Variants in ADAMTS9 observed in about 807,000 individuals in gnomAD.
ADAMTS9 encodes ADAM metallopeptidase with thrombospondin type 1 motif 9.
A neutral mutation model predicts 257.1 loss-of-function variants in ADAMTS9; 107 were observed. The observed-to-expected ratio is 0.42, with a 90% confidence interval of 0.36 to 0.49. ADAMTS9 has a LOEUF of 0.49. Ranked by LOEUF, ADAMTS9 falls within the 20% of genes least tolerant of loss-of-function variation. The pLI is 0.03. For synonymous variants in ADAMTS9, 982 were observed against 880.9 expected, an observed-to-expected ratio of 1.11 and a Z score of -2.03; for missense variants, 2,353 against 2,469.1, an observed-to-expected ratio of 0.95 and a Z score of 1.00.
rs766904623 is a variant in ADAMTS9, at chr3:64,615,355, G to A, written c.3155C>T (p.Pro1052Leu). ...GTCTCCAGATTTCCACTGTGGACAAGGGAACTCACTGCACCTCTGAATGGT... is the reference window on the plus strand; with the variant it reads ...GTCTCCAGATTTCCACTGTGGACAAAGGAACTCACTGCACCTCTGAATGGT... Reference protein sequence around the residue: ...KVTIQRCSEFPCPQWKSGDWS... With the variant: ...KVTIQRCSEFLCPQWKSGDWS... Residue 1052 changes from proline to leucine, a missense_variant, in exon 21 of 40, where the codon CCT becomes CTT. Transcript: ENST00000498707. 6.4e-5 allele frequency: 104 copies of A among 1,614,034 alleles called. 1 individual carries two copies. In the South Asian group the frequency reaches 1.1e-3, roughly 17 times the overall value.
Position 64,604,259 on chromosome 3 carries a change from T to G in ADAMTS9, c.3547A>C (p.Arg1183=), listed in dbSNP as rs746524904. 6.2e-7 allele frequency: 1 copy of G among 1,613,740 alleles called. No homozygotes were observed. Among genetic ancestry groups the G allele is most frequent in the South Asian group, 1.1e-5 (1 of 90,994 alleles). The change falls in exon 24 of 40, where the codon AGA becomes CGA. Residue 1183 remains arginine (R), a synonymous_variant. Coordinates refer to ENST00000498707, the MANE Select transcript of ADAMTS9 (RefSeq NM_182920.2). The part of the protein sequence containing the change: ...ETRRSTYSAP[R]TQWRFGSWTP... Reference sequence around the variant, plus strand: ...CAAGACCCAAATCGCCACTGGGTTCTTGGTGCACTGTATGTGCTTCTCCTC... The same window carrying G: ...CAAGACCCAAATCGCCACTGGGTTCGTGGTGCACTGTATGTGCTTCTCCTC...
At position 64,594,195 on chromosome 3, in the gene ADAMTS9, G is replaced by A. The variant is rs1459817537; in HGVS notation, c.4356+63C>T. ...TGTGACAATTATCTGCCACAGAGGA[G>A]TGCCCCAGAATACCTTGGAATTAGA... On this transcript the variant is annotated intron_variant, in intron 28 of 39. Transcript: ENST00000498707. The A allele has an allele frequency of 3.9e-6, 6 of 1,519,870 alleles. No homozygotes were observed. In the South Asian group the frequency reaches 5.2e-5, roughly 13 times the overall value. The allele number at this position is 1,519,870 out of a possible 1,614,324, so 94.1% of individuals were successfully genotyped here.
intron 3 of ADAMTS9, among the ~76,000 whole-genome samples, chr3:64,676,292 G>A (rs952071993): frequency 1.3e-5 from 2 of 152,038 alleles, no homozygotes; most frequent in Non-Finnish European, 2.9e-5. Flanking sequence ...AGTTCAATAG[G>A]TCTAGCAAAA....
intron 2 of ADAMTS9, among the ~76,000 whole-genome samples, chr3:64,685,566 C>T (rs1701880341): frequency 1.3e-5 from 2 of 152,192 alleles, no homozygotes; most frequent in South Asian, 4.1e-4. Flanking sequence ...CGTACCGCAG[C>T]GACTCCTCAA....
intron 17 of ADAMTS9, 45 bp downstream of exon 17, chr3:64,622,375 G>T: frequency 6.2e-7 from 1 of 1,612,854 alleles, no homozygotes. Flanking sequence ...GCTTAGTAAT[G>T]CCAAGCAGAA....
At position 64,540,483 on chromosome 3, in the gene ADAMTS9, T is replaced by C. The variant is rs141168241; in HGVS notation, c.5521+612A>G. ...GGCTAGTTTAGAAAAGGTAATTCTG[T>C]GTTCCATTTTTCTTCTGCACATTGA... On this transcript the variant is annotated intron_variant, in intron 36 of 39. Transcript: ENST00000498707. 6.2e-3 allele frequency among the ~76,000 whole-genome samples: 942 copies of C among 152,248 alleles called. 29 individuals are homozygous for C. The highest frequency in any genetic ancestry group is 0.045 in the Admixed American group (682 of 15,272).
chr3:64,561,338 TGAGGCGG>T, intron 30 of ADAMTS9: 1 of 337,394 alleles, frequency 3.0e-6, no homozygotes. Flanking sequence ...TTTTTTTTTT[TGAGGCGG>T]CCAGACTTGG....
At chr3:64,642,753 C>A (rs890641791) in intron 11 of ADAMTS9, among the ~76,000 whole-genome samples, 6 of 152,178 alleles carry the variant, frequency 3.9e-5, no homozygotes, top group African/African-American at 4.8e-5. Context: ...GGAAAAGTGG[C>A]GGCAGTGGCC....
chr3:64,522,433 A>G (rs2082865565), intron 38 of ADAMTS9, 173 bp from the exon 39 acceptor site: 2 of 496,136 alleles, frequency 4.0e-6, no homozygotes, highest in Non-Finnish European at 7.2e-6. Flanking sequence ...TCAGCCTGTG[A>G]GCCAAATCCA....
At chr3:64,560,795 T>C (rs1356662527) in intron 30 of ADAMTS9, among the ~76,000 whole-genome samples, 1 of 152,200 alleles carries the variant, frequency 6.6e-6, no homozygotes, top group Non-Finnish European at 1.5e-5. Flanking sequence ...TTATTTTTCA[T>C]TATCTCTGCA....
chr3:64,676,633 A>G (rs1237463080), intron 3 of ADAMTS9, among the ~76,000 whole-genome samples: 2 of 152,050 alleles, frequency 1.3e-5, no homozygotes, highest in African/African-American at 4.8e-5. Flanking sequence ...ACAGCTGCAT[A>G]GGAATCCATT....
At chr3:64,531,329 G>C (rs1301649157) in intron 38 of ADAMTS9, among the ~76,000 whole-genome samples, 4 of 151,918 alleles carry the variant, frequency 2.6e-5, no homozygotes, top group Non-Finnish European at 5.9e-5. Flanking sequence ...TTTGCAATAG[G>C]GTTTTCAGAT....
intron 14 of ADAMTS9, 47 bp from the exon 15 acceptor site, chr3:64,631,972 T>C (rs758844745): frequency 3.6e-6 from 5 of 1,374,650 alleles, no homozygotes; most frequent in Non-Finnish European, 4.1e-6. Flanking sequence ...TTATAGAGAT[T>C]ATAAAATGGC....
At chr3:64,528,259 G>T (rs915016762) in intron 38 of ADAMTS9, among the ~76,000 whole-genome samples, 1 of 152,174 alleles carries the variant, frequency 6.6e-6, no homozygotes, top group African/African-American at 2.4e-5. Flanking sequence ...AAAATGGGTA[G>T]CTCTGAGAAT....
At chr3:64,552,575 CTT>C (rs113655800) in intron 30 of ADAMTS9, among the ~76,000 whole-genome samples, 40 of 139,138 alleles carry the variant, frequency 2.9e-4, no homozygotes, top group Non-Finnish European at 3.8e-4. Flanking sequence ...CTTTTCTTTC[CTT>C]TTTTTTTTTT....
At chr3:64,592,825 T>C (rs746123168) in intron 28 of ADAMTS9, 2 of 152,096 alleles carry the variant, frequency 1.3e-5, no homozygotes, top group Admixed American at 6.6e-5. Flanking sequence ...GGACAGCTAG[T>C]AGACTTTCTA....
chr3:64,669,488 C>A (rs1701432404), intron 3 of ADAMTS9, among the ~76,000 whole-genome samples: 1 of 152,056 alleles, frequency 6.6e-6, no homozygotes, highest in Admixed American at 6.6e-5. Context: ...AAGTTCTGGG[C>A]CTTGATCCTC....
At chr3:64,612,461 G>A (rs950048023) in intron 22 of ADAMTS9, among the ~76,000 whole-genome samples, 1 of 152,176 alleles carries the variant, frequency 6.6e-6, no homozygotes, top group Non-Finnish European at 1.5e-5. Context: ...TATGAAATGG[G>A]GAAGATTCAG....
rs745563488 is a variant in ADAMTS9 at position 64,546,889 on chromosome 3, C to A, written c.4933G>T (p.Gly1645Trp). The change falls in exon 32 of 40, where the codon GGG becomes TGG. Residue 1645 changes from glycine (G) to tryptophan (W), a missense_variant. Transcript: ENST00000498707. ...TAGCTGTATTCATAATTCTCCTTCCCGGTGTAAATCTCGCTGCACGAGACA... is the reference window on the plus strand; with the variant it reads ...TAGCTGTATTCATAATTCTCCTTCCAGGTGTAAATCTCGCTGCACGAGACA... ...RLVSCSEIYT[G>W]KENYEYSYQT... The A allele has an allele frequency of 6.2e-7, 1 of 1,614,080 alleles. No individual in the cohort carries two copies. The highest frequency in any genetic ancestry group is 2.2e-5 in the East Asian group (1 of 44,864).
Sources: allele counts gnomAD v4.1 joint callset (sites outside exome capture counted in the v4.1 genomes callset), GRCh38; gene constraint gnomAD v4.1.1; transcripts MANE v1.5; gene names NCBI Gene and HGNC (gene_info 2026-07-23, HGNC 2026-07-21).